The following ZRANB3 variants were observed in gnomAD, a reference collection of about 807,000 sequenced individuals.
ZRANB3 encodes zinc finger RANBP2-type containing 3, also known as DNA annealing helicase and endonuclease ZRANB3.
Under a neutral mutation model 133.8 loss-of-function variants are expected in ZRANB3, and 125 were observed. That is an observed-to-expected ratio of 0.93 (90% CI 0.81 to 1.08). The LOEUF (loss-of-function observed/expected upper bound fraction) is 1.08, where lower values mean the gene tolerates loss of function less well. ZRANB3 is among the 50% of genes least tolerant of loss of function. The pLI is 0.00. For synonymous variants in ZRANB3, 387 were observed against 432.7 expected (o/e 0.89, Z 1.31); for missense variants, 1,229 against 1,275.5 (o/e 0.96, Z 0.56).
intron 12 of ZRANB3, among the ~76,000 whole-genome samples, chr2:135,253,846 C>T (rs1387469385): frequency 6.6e-6 from 1 of 152,188 alleles, no homozygotes; most frequent in Admixed American, 6.5e-5. Context: ...TCCCAAGTAG[C>T]ACTGCCTCCA....
At chr2:135,407,459 T>C (rs1412513521) in intron 2 of ZRANB3, among the ~76,000 whole-genome samples, 11 of 150,178 alleles carry the variant, frequency 7.3e-5, no homozygotes, top group African/African-American at 2.7e-4. Context: ...CTTCACAGAA[T>C]TGGAAAAAAC....
chr2:135,462,631 T>C (rs1287212155), intron 2 of ZRANB3, among the ~76,000 whole-genome samples: 2 of 151,472 alleles, frequency 1.3e-5, no homozygotes, highest in East Asian at 3.9e-4. Context: ...CTCCCTCTTT[T>C]GCCCAGGCTG....
At chr2:135,439,601 C>T (rs1689692732) in intron 2 of ZRANB3, among the ~76,000 whole-genome samples, 1 of 152,192 alleles carries the variant, frequency 6.6e-6, no homozygotes, top group Non-Finnish European at 1.5e-5. Flanking sequence ...CCACTCATCA[C>T]ATTCGTGATT....
intron 12 of ZRANB3, among the ~76,000 whole-genome samples, chr2:135,233,223 C>T (rs571975981): frequency 4.5e-4 from 69 of 152,104 alleles, no homozygotes; most frequent in African/African-American, 9.2e-4. Flanking sequence ...TGAAATGAAG[C>T]GAGCAGAGAA....
intron 8 of ZRANB3, among the ~76,000 whole-genome samples, chr2:135,313,034 A>AG (rs1409674464): frequency 6.6e-6 from 1 of 150,934 alleles, no homozygotes; most frequent in Non-Finnish European, 1.5e-5. Context: ...AAAAAAAAAA[A>AG]CAGAAAAGAA....
intron 17 of ZRANB3, 77 bp from the exon 18 acceptor site, chr2:135,209,055 T>C: frequency 7.4e-7 from 1 of 1,358,904 alleles, no homozygotes; most frequent in East Asian, 2.3e-5. Context: ...CATTGTTCCT[T>C]GCAAAAGCAA....
intron 2 of ZRANB3, among the ~76,000 whole-genome samples, chr2:135,474,985 A>G (rs1404479590): frequency 6.6e-6 from 1 of 152,122 alleles, no homozygotes; most frequent in African/African-American, 2.4e-5. Context: ...TCACACACTG[A>G]CTTTCAGGAT....
At chr2:135,483,188 A>C (rs1431275031) in intron 2 of ZRANB3, among the ~76,000 whole-genome samples, 1 of 151,678 alleles carries the variant, frequency 6.6e-6, no homozygotes, top group Non-Finnish European at 1.5e-5. Flanking sequence ...TTTCAGAAGG[A>C]ATGGTACCAG....
intron 3 of ZRANB3, among the ~76,000 whole-genome samples, chr2:135,361,973 T>C (rs1573976240): frequency 6.6e-6 from 1 of 152,066 alleles, no homozygotes; most frequent in African/African-American, 2.4e-5. Context: ...CCAAGGCAGG[T>C]GGATCATGAG....
intron 1 of ZRANB3, chr2:135,510,616 C>T (rs1559046447): frequency 1.3e-6 from 1 of 762,896 alleles, no homozygotes; most frequent in Non-Finnish European, 2.4e-6. Flanking sequence ...ATGAGGAGGG[C>T]CTCTCATTCC....
rs546292352 is a variant in ZRANB3, at chr2:135,232,380, C to A, written c.1540-1453G>T. Among the ~76,000 whole-genome samples the A allele has an allele frequency of 4.6e-5, 7 of 152,326 alleles. No individual in the cohort carries two copies. The East Asian group carries it at 1.4e-3, about 29-fold the overall frequency. ...TCCACCTCTGGGGGCAGGGCACAGC[C>A]AAACAAAAGGCAGCAGAAACCTCTG... is the stretch of plus-strand genomic sequence containing the variant. On this transcript the variant is annotated intron_variant, in intron 12 of 20. Transcript: ENST00000264159.
chr2:135,287,205 C>T (rs569248824), intron 8 of ZRANB3, among the ~76,000 whole-genome samples: 1 of 152,248 alleles, frequency 6.6e-6, no homozygotes, highest in South Asian at 2.1e-4. Flanking sequence ...TTTCTGTTTG[C>T]TTTGTTGAAG....
chr2:135,263,418 T>C (rs1489727522), intron 12 of ZRANB3, among the ~76,000 whole-genome samples: 1 of 152,238 alleles, frequency 6.6e-6, no homozygotes, highest in African/African-American at 2.4e-5. Flanking sequence ...TTTGTGCATG[T>C]ATCCTTACAT....
chr2:135,374,235 G>A (rs926999763), intron 3 of ZRANB3, among the ~76,000 whole-genome samples: 1 of 151,986 alleles, frequency 6.6e-6, no homozygotes, highest in African/African-American at 2.4e-5. Flanking sequence ...GCGAAATCCC[G>A]TCTTTACTAA....
chr2:135,268,790 C>T (rs1056126635), intron 11 of ZRANB3, among the ~76,000 whole-genome samples, 172 bp downstream of exon 11: 3 of 152,078 alleles, frequency 2.0e-5, no homozygotes, highest in African/African-American at 7.2e-5. Flanking sequence ...CAGAGGAGAG[C>T]AGACAAGGTA....
At chr2:135,444,965 C>T (rs1689948864) in intron 2 of ZRANB3, among the ~76,000 whole-genome samples, 1 of 151,974 alleles carries the variant, frequency 6.6e-6, no homozygotes, top group African/African-American at 2.4e-5. Context: ...TTAGTAGCCT[C>T]CGTAAGTGTA....
At chr2:135,223,747 G>A (rs1045019514) in intron 15 of ZRANB3, among the ~76,000 whole-genome samples, 3 of 152,270 alleles carry the variant, frequency 2.0e-5, no homozygotes, top group Non-Finnish European at 4.4e-5. Context: ...GTGCAAAGGG[G>A]TACTGAATCT....
intron 2 of ZRANB3, among the ~76,000 whole-genome samples, chr2:135,459,442 GAAGA>G (rs1467130043): frequency 5.3e-5 from 8 of 152,124 alleles, no homozygotes; most frequent in Non-Finnish European, 1.2e-4. Context: ...CATGCCCAGA[GAAGA>G]AAGAATATTA....
In ZRANB3 at chr2:135,519,881, C is replaced by T. The variant is rs187789164; in HGVS notation, c.-8+11246G>A. 3.8e-3 allele frequency among the ~76,000 whole-genome samples: 576 copies of T among 152,168 alleles called. 3 individuals are homozygous for T. Among genetic ancestry groups the T allele is most frequent in the Middle Eastern group, 0.01 (3 of 294 alleles). ...TTTGGAAGGCTTCTAAATATACATA[C>T]ATCAAAGTTCATACTTCAACAACAT... On this transcript the variant is annotated intron_variant, in intron 1 of 20. Transcript: ENST00000264159.
Sources: gnomAD v4.1 joint callset for allele counts (sites outside exome capture counted in the v4.1 genomes callset) on GRCh38, gnomAD v4.1.1 for gene constraint, MANE v1.5 for transcripts, NCBI Gene and HGNC (gene_info 2026-07-23, HGNC 2026-07-21) for gene names.